ENPP2: variants seen among roughly 807,000 people sequenced by gnomAD.
ENPP2 encodes the protein autotaxin.
In ENPP2, 51 loss-of-function variants were observed where a neutral mutation model predicts 120.2. The ratio of observed to expected loss-of-function variants is 0.42; its 90% CI spans 0.34 to 0.54. The LOEUF is 0.54. Among genes scored for constraint, ENPP2 ranks in the 20% least tolerant of loss-of-function variants. The pLI, the probability that ENPP2 is intolerant of heterozygous loss-of-function variation, is 0.04. For synonymous variants in ENPP2, 365 were observed against 366.4 expected, an observed-to-expected ratio of 1.00 and a Z score of 0.04; for missense variants, 920 against 1,066.5, an observed-to-expected ratio of 0.86 and a Z score of 1.91.
upstream of ENPP2, among the ~76,000 whole-genome samples, chr8:119,643,555 A>G (rs146842969): frequency 9.9e-5 from 15 of 151,582 alleles, 1 homozygote; most frequent in African/African-American, 2.4e-4. Flanking sequence ...TTTACTCCCT[A>G]TGGAATCTAC....
intron 1 of ENPP2, among the ~76,000 whole-genome samples, chr8:119,660,390 T>C (rs920226312): frequency 2.6e-5 from 4 of 152,196 alleles, no homozygotes; most frequent in Non-Finnish European, 2.9e-5. Flanking sequence ...GAGGAATGTA[T>C]TGGGGGAGCT....
intron 1 of ENPP2, among the ~76,000 whole-genome samples, chr8:119,648,983 C>T (rs1817550001): frequency 2.0e-5 from 3 of 151,912 alleles, no homozygotes; most frequent in South Asian, 4.1e-4. Flanking sequence ...AATGAATCTA[C>T]CAAAAATAAA....
chr8:119,638,887 G>A, upstream of ENPP2: 2 of 1,423,612 alleles, frequency 1.4e-6, no homozygotes, highest in South Asian at 2.3e-5. Flanking sequence ...AATCCCACCT[G>A]GGAGGTTGAC....
chr8:119,584,932 C>CAT (rs1247102007), intron 15 of ENPP2, among the ~76,000 whole-genome samples: 1 of 152,176 alleles, frequency 6.6e-6, no homozygotes, highest in African/African-American at 2.4e-5. Context: ...GATAATAAGA[C>CAT]ATATGCATAC....
chr8:119,587,180 A>T, intron 13 of ENPP2, 105 bp from the exon 14 acceptor site: 1 of 891,522 alleles, frequency 1.1e-6, no homozygotes, highest in Non-Finnish European at 1.8e-6. Context: ...ATCCCACAGA[A>T]GACTATCACT....
intron 1 of ENPP2, among the ~76,000 whole-genome samples, chr8:119,668,630 T>C (rs1818150094): frequency 2.0e-5 from 3 of 152,088 alleles, no homozygotes; most frequent in Non-Finnish European, 4.4e-5. Context: ...GGTTTCACCA[T>C]GTTGGCCAGG....
rs150331729 is a variant in ENPP2 at position 119,604,974 on chromosome 8, C to T, written c.833+2948G>A. ...ATTTTTAGTAGAGAGGGGGTTTCAC[C>T]GTGTTAGCCAGGATGTTCTCCATCT... On this transcript the variant is annotated intron_variant, in intron 9 of 24. Coordinates refer to ENST00000075322, the MANE Select transcript of ENPP2 (RefSeq NM_001040092.3). Among the ~76,000 whole-genome samples, 554 of 152,094 alleles carry T rather than the reference C, an allele frequency of 3.6e-3. 1 individual carries two copies. The highest frequency in any genetic ancestry group is 0.013 in the African/African-American group (527 of 41,482).
At chr8:119,629,431 A>C (rs1816505191) in intron 2 of ENPP2, among the ~76,000 whole-genome samples, 1 of 152,228 alleles carries the variant, frequency 6.6e-6, no homozygotes, top group South Asian at 2.1e-4. Context: ...AGAAGAACAG[A>C]TGTTAAATGT....
In ENPP2 at chr8:119,617,484, G is replaced by T. The variant is rs1815545859; in HGVS notation, c.559C>A (p.Pro187Thr). The T allele has an allele frequency of 6.2e-7, 1 of 1,609,770 alleles. No individual in the cohort carries two copies. The highest frequency in any genetic ancestry group is 8.5e-7 in the Non-Finnish European group (1 of 1,176,440). Residue 187 changes from proline (P) to threonine (T), a missense_variant, in exon 6 of 25, where the codon CCT (proline) becomes ACT (threonine). By Grantham distance (38) the Pro-to-Thr change is conservative. Coordinates refer to ENST00000075322, the MANE Select transcript of ENPP2 (RefSeq NM_001040092.3). ...TACTTACTTAGTTTTTCAATATTAG[G>T]CATGACTTTGCTGCCTTTCTTCATG... ...SYMKKGSKVM[P>T]NIEKLRSCGT...
At chr8:119,561,791 GTGTGTGTGTGTGTGTGTGTGTGTT>G (rs1249275641) in intron 24 of ENPP2, among the ~76,000 whole-genome samples, 1 of 150,708 alleles carries the variant, frequency 6.6e-6, no homozygotes, top group Non-Finnish European at 1.5e-5. Context: ...CTTGCTTTGT[GTGTGTGTGTGTGTGTGTGTGTGTT>G]TGTGTGTGTG....
intron 8 of ENPP2, among the ~76,000 whole-genome samples, chr8:119,615,511 C>G (rs1815397435): frequency 6.6e-6 from 1 of 152,184 alleles, no homozygotes. Context: ...AGAAAGCCAC[C>G]TACAACCCTT....
chr8:119,557,506 C>A lies in ENPP2; in HGVS notation c.*15G>T. On this transcript the variant is annotated 3_prime_UTR_variant, in exon 25 of 25. Transcript: ENST00000075322. ...ACAACCAGTTGATAAGACTGTACTG[C>A]AGATGCTCAGAAAGTTAAATCTCGC... The A allele has an allele frequency of 1.2e-6, 2 of 1,601,024 alleles. No individual in the cohort carries two copies. Among genetic ancestry groups the A allele is most frequent in the African/African-American group, 1.3e-5 (1 of 74,626 alleles).
At chr8:119,637,859 A>C (rs562447584) in intron 2 of ENPP2, among the ~76,000 whole-genome samples, 2 of 152,272 alleles carry the variant, frequency 1.3e-5, no homozygotes, top group East Asian at 3.9e-4. Flanking sequence ...CACTATTAAA[A>C]CTTACCTTTC....
intron 14 of ENPP2, among the ~76,000 whole-genome samples, chr8:119,586,714 A>G (rs925488929): frequency 2.6e-5 from 4 of 152,288 alleles, no homozygotes; most frequent in Non-Finnish European, 5.9e-5. Context: ...GTCGCTACCC[A>G]GCATCCGGGA....
intron 2 of ENPP2, among the ~76,000 whole-genome samples, chr8:119,627,768 AG>A (rs1288081681): frequency 6.6e-6 from 1 of 151,864 alleles, no homozygotes; most frequent in Non-Finnish European, 1.5e-5. Context: ...AGGCTGAGGC[AG>A]GAGAATTGCC....
chr8:119,639,067 G>A (rs1817181126), upstream of ENPP2, among the ~76,000 whole-genome samples: 1 of 152,058 alleles, frequency 6.6e-6, no homozygotes, highest in Non-Finnish European at 1.5e-5. Flanking sequence ...AGGAGGGTTT[G>A]TTACATTGCC....
chr8:119,626,723 G>T lies in ENPP2; in HGVS notation c.137-3C>A. ...GGTCCAGGGGGAGTCTGATAGCACT[G>T]CAAAGAACAAGAGGCAAAAACAATG... On this transcript the variant is annotated splice_region_variant and splice_polypyrimidine_tract_variant and intron_variant, in intron 2 of 24. Transcript: ENST00000075322. The T allele has an allele frequency of 6.2e-7, 1 of 1,613,718 alleles. No individual in the cohort carries two copies. The highest frequency in any genetic ancestry group is 8.5e-7 in the Non-Finnish European group (1 of 1,179,716).
At chr8:119,619,400 T>G in intron 4 of ENPP2, 96 bp from the exon 5 acceptor site, 1 of 837,350 alleles carries the variant, frequency 1.2e-6, no homozygotes, top group Admixed American at 2.5e-5. Flanking sequence ...GTTTGATACT[T>G]TCTTTATGGG....
chr8:119,658,083 G>T (rs1366950428), intron 1 of ENPP2, among the ~76,000 whole-genome samples: 1 of 152,178 alleles, frequency 6.6e-6, no homozygotes, highest in Non-Finnish European at 1.5e-5. Flanking sequence ...TTTTTGTTAA[G>T]ATTTAGTGAA....
Sources: allele counts gnomAD v4.1 joint callset (sites outside exome capture counted in the v4.1 genomes callset), GRCh38; gene constraint gnomAD v4.1.1; transcripts MANE v1.5; gene names NCBI Gene and HGNC (gene_info 2026-07-23, HGNC 2026-07-21).